Variants in FANCI observed in about 807,000 individuals in gnomAD.
FANCI encodes the protein Fanconi anemia group I protein.
A neutral mutation model predicts 176.1 loss-of-function variants in FANCI; 156 were observed. The ratio of observed to expected loss-of-function variants is 0.89; its 90% CI spans 0.78 to 1.01. FANCI has a LOEUF of 1.01. Among genes scored for constraint, FANCI ranks in the 50% least tolerant of loss-of-function variants. The probability of loss-of-function intolerance (pLI) is 0.00; values close to 1 mark genes in which losing one functional copy is unlikely to be tolerated. For synonymous variants in FANCI, 613 were observed against 541.7 expected, an observed-to-expected ratio of 1.13 and a Z score of -1.83; for missense variants, 1,678 against 1,534.1, an observed-to-expected ratio of 1.09 and a Z score of -1.57.
At chr15:89,315,800 T>C (rs1015208985) in intron 37 of FANCI, among the ~76,000 whole-genome samples, 2 of 152,188 alleles carry the variant, frequency 1.3e-5, no homozygotes, top group African/African-American at 4.8e-5. Flanking sequence ...GTCTTGTCCT[T>C]TTCCCTTGTG....
In FANCI at chr15:89,261,600, G is replaced by A. The variant is rs1207482417; in HGVS notation, c.304G>A (p.Gly102Arg). The change falls in exon 5 of 38, where the codon GGA (glycine) becomes AGA (arginine). Residue 102 changes from glycine (G) to arginine (R), a missense_variant. By Grantham distance (125) the Gly-to-Arg change is moderately radical. Coordinates refer to ENST00000310775, the MANE Select transcript of FANCI (RefSeq NM_001113378.2). ...GAACTTTTAGGCTCACCATTTTCCA[G>A]GACCATTATTGGTTGAATTAGCCAA... ...LLMLEAHHFP[G>R]PLLVELANEF... 7 of 1,613,996 alleles carry A rather than the reference G, an allele frequency of 4.3e-6. No homozygotes were observed. In the Admixed American group the frequency reaches 8.3e-5, roughly 19 times the overall value.
At chr15:89,292,911 A>G (rs1223582869) in intron 21 of FANCI, 31 bp from the exon 22 acceptor site, 3 of 1,614,102 alleles carry the variant, frequency 1.9e-6, no homozygotes, top group Non-Finnish European at 2.5e-6. Flanking sequence ...GTTCTTTAGT[A>G]GCTTGTTAAT....
chr15:89,281,245 A>C lies in FANCI; in HGVS notation c.1457A>C (p.Asp486Ala), dbSNP rs949611593. ...TCTTCTAAAGTCACAGAAGCTTTTG[A>C]CTATTTGTCCTTTCTGCCCCTTCAG... ...SCSSKVTEAFDYLSFLPLQTV... is the reference protein window; with the variant it reads ...SCSSKVTEAFAYLSFLPLQTV... The change falls in exon 15 of 38, where the codon GAC becomes GCC. Residue 486 changes from aspartate (D) to alanine (A), a missense_variant. Around this residue, in one of 3 missense-constraint regions of FANCI, gnomAD observed 1,204 missense variants for 1,077.4 expected, o/e 1.12. Coordinates refer to ENST00000310775, the MANE Select transcript of FANCI (RefSeq NM_001113378.2). The C allele has an allele frequency of 9.9e-6, 16 of 1,613,900 alleles. No individual in the cohort carries two copies. The highest frequency in any genetic ancestry group is 2.2e-5 in the East Asian group (1 of 44,814).
intron 24 of FANCI, among the ~76,000 whole-genome samples, chr15:89,296,995 G>A (rs1433767548): frequency 1.3e-5 from 2 of 150,688 alleles, no homozygotes; most frequent in African/African-American, 4.9e-5. Flanking sequence ...CCTCCCGGAC[G>A]GGGCGGCTGG....
intron 9 of FANCI, 110 bp downstream of exon 9, chr15:89,264,717 C>G: frequency 1.1e-6 from 1 of 891,910 alleles, no homozygotes; most frequent in African/African-American, 1.7e-5. Context: ...CACCTCAGCA[C>G]AAAACTTTTC....
intron 9 of FANCI, among the ~76,000 whole-genome samples, chr15:89,267,916 G>T (rs1447994020): frequency 6.6e-6 from 1 of 152,162 alleles, no homozygotes; most frequent in African/African-American, 2.4e-5. Context: ...GACAGAGCGA[G>T]ACCCTGTCTC....
chr15:89,269,159 T>A (rs1486095326), intron 10 of FANCI, among the ~76,000 whole-genome samples: 1 of 152,196 alleles, frequency 6.6e-6, no homozygotes, highest in Non-Finnish European at 1.5e-5. Flanking sequence ...ATTAGACACT[T>A]TGCCACATTT....
chr15:89,263,111 C>T (rs1057124613), intron 6 of FANCI, among the ~76,000 whole-genome samples: 1 of 152,152 alleles, frequency 6.6e-6, no homozygotes. Context: ...TTGGGTAGAT[C>T]TGTGATTATG....
At position 89,305,233 on chromosome 15, in the gene FANCI, T is replaced by C; in HGVS notation, c.3177T>C (p.Asp1059=). Reference sequence around the variant, plus strand: ...AGGATATCCACGGGCATCTGGGAGATATAGACCAGGTACTATAATGAGCCT... The same window carrying C: ...AGGATATCCACGGGCATCTGGGAGACATAGACCAGGTACTATAATGAGCCT... ...LSQDIHGHLG[D]IDQDVEVEKT... is the part of the protein sequence containing the mutation. The change falls in exon 29 of 38, where the codon GAT becomes GAC. Residue 1059 remains aspartate, a synonymous_variant. Coordinates refer to ENST00000310775, the MANE Select transcript of FANCI (RefSeq NM_001113378.2). The C allele has an allele frequency of 6.2e-7, 1 of 1,614,196 alleles. No homozygotes were observed. Among genetic ancestry groups the C allele is most frequent in the African/African-American group, 1.3e-5 (1 of 75,062 alleles).
intron 24 of FANCI, among the ~76,000 whole-genome samples, chr15:89,296,347 AT>A (rs1235915539): frequency 1.2e-4 from 18 of 149,414 alleles, no homozygotes; most frequent in African/African-American, 4.4e-4. Flanking sequence ...GGCTCAAGCG[AT>A]ACGCCCATCT....
intron 23 of FANCI, 67 bp from the exon 24 acceptor site, chr15:89,294,848 T>G: frequency 6.7e-7 from 1 of 1,489,722 alleles, no homozygotes; most frequent in Non-Finnish European, 9.0e-7. Context: ...CTAGAAAGCT[T>G]AATTCCATAT....
Position 89,314,316 on chromosome 15 carries a change from A to AAGTC in FANCI, c.3721-293_3721-290dup, listed in dbSNP as rs2055109309. On this transcript the variant is annotated intron_variant, in intron 35 of 37. Coordinates refer to ENST00000310775, the MANE Select transcript of FANCI (RefSeq NM_001113378.2). The stretch of plus-strand genomic sequence containing the variant: ...GGGCCAAAATAGGCTTAAGAATTTC[A>AAGTC]AGTCAGAAAAGCAACTAAATTTCTA... Among the ~76,000 whole-genome samples, 3 of 152,388 alleles carry AAGTC rather than the reference A, an allele frequency of 2.0e-5. No individual in the cohort carries two copies. In the South Asian group the frequency reaches 6.2e-4, roughly 32 times the overall value.
intron 10 of FANCI, 154 bp downstream of exon 10, chr15:89,268,679 A>G: frequency 1.1e-6 from 1 of 871,812 alleles, no homozygotes; most frequent in Non-Finnish European, 1.8e-6. Flanking sequence ...TAAAAGTGGA[A>G]AATACATGAT....
chr15:89,305,558 C>A (rs762834612), intron 30 of FANCI, 47 bp from the exon 31 acceptor site: 2 of 1,606,102 alleles, frequency 1.2e-6, no homozygotes, highest in East Asian at 2.2e-5. Flanking sequence ...TTATATTACC[C>A]CCACAGCTGT....
chr15:89,281,807 C>G lies in FANCI; in HGVS notation c.1555C>G (p.Leu519Val). ...CATGTCAATGAGAGACTGCTTGATA[C>G]TTGTCCTTCGGAAAGCTATGTTTGC... The part of the protein sequence containing the change: ...VSMSMRDCLI[L>V]VLRKAMFANQ... Residue 519 changes from leucine (L) to valine (V), a missense_variant, in exon 16 of 38, where the codon CTT (leucine) becomes GTT (valine). By Grantham distance (32) the Leu-to-Val change is conservative (BLOSUM62 1). This residue lies in a region of FANCI where 1,204 missense variants were observed against 1,077.4 expected (regional missense o/e 1.12). Transcript: ENST00000310775. 1.2e-6 allele frequency: 2 copies of G among 1,613,880 alleles called. No individual in the cohort carries two copies. Among genetic ancestry groups the G allele is most frequent in the Non-Finnish European group, 1.7e-6 (2 of 1,179,892 alleles).
At position 89,279,407 on chromosome 15, in the gene FANCI, C is replaced by G. The variant is rs183325044; in HGVS notation, c.1381+633C>G. On this transcript the variant is annotated intron_variant, in intron 14 of 37. Coordinates refer to ENST00000310775, the MANE Select transcript of FANCI (RefSeq NM_001113378.2). ...TCCTGACTTCAGGTGATCCACCCACCTTAGCTTCCCAAAGTGCTGGGATTA... is the reference window on the plus strand; with the variant it reads ...TCCTGACTTCAGGTGATCCACCCACGTTAGCTTCCCAAAGTGCTGGGATTA... 4.7e-3 allele frequency among the ~76,000 whole-genome samples: 715 copies of G among 152,340 alleles called. 3 individuals are homozygous for G. The highest frequency in any genetic ancestry group is 0.011 in the African/African-American group (456 of 41,580).
intron 2 of FANCI, among the ~76,000 whole-genome samples, chr15:89,249,937 A>C (rs2151084944): frequency 6.6e-6 from 1 of 152,354 alleles, no homozygotes; most frequent in Middle Eastern, 3.4e-3. Context: ...ATGTTCATAA[A>C]AATTAATCAC....
At chr15:89,253,443 G>T (rs983373788) in intron 2 of FANCI, among the ~76,000 whole-genome samples, 1 of 152,090 alleles carries the variant, frequency 6.6e-6, no homozygotes, top group Non-Finnish European at 1.5e-5. Context: ...GAGCCACGAG[G>T]TTCAGATTAC....
chr15:89,281,200 C>G lies in FANCI; in HGVS notation c.1412C>G (p.Pro471Arg), dbSNP rs139072231. The change falls in exon 15 of 38, where the codon CCC becomes CGC. Residue 471 changes from proline (P) to arginine (R), a missense_variant. Around this residue, in one of 3 missense-constraint regions of FANCI, gnomAD observed 1,204 missense variants for 1,077.4 expected, o/e 1.12. Coordinates refer to ENST00000310775, the MANE Select transcript of FANCI (RefSeq NM_001113378.2). ...CTTTCAAATATCGTCATGTATGCAC[C>G]CTTAGTTCTTCAAAGTTGTTCTTCT... ...DLLSNIVMYA[P>R]LVLQSCSSKV... The G allele has an allele frequency of 8.4e-5, 136 of 1,613,386 alleles. No individual in the cohort carries two copies. The highest frequency in any genetic ancestry group is 1.1e-4 in the Non-Finnish European group (130 of 1,179,730).
Sources: gnomAD v4.1 joint callset for allele counts (sites outside exome capture counted in the v4.1 genomes callset) on GRCh38, gnomAD v4.1.1 for gene constraint, gnomAD v4.1.1 regional missense constraint, MANE v1.5 for transcripts, NCBI Gene and HGNC (gene_info 2026-07-23, HGNC 2026-07-21) for gene names.